Variants in VIT observed in about 807,000 individuals in gnomAD.
VIT encodes vitrin.
Under a neutral mutation model 78.0 loss-of-function variants are expected in VIT, and 99 were observed. That is an observed-to-expected ratio of 1.27 (90% CI 1.08 to 1.50). The LOEUF is 1.50. Among genes scored for constraint, VIT ranks in the 40% most tolerant of loss-of-function variants. The pLI is 0.00. For synonymous variants in VIT, 374 were observed against 334.3 expected (o/e 1.12, Z -1.29); for missense variants, 1,126 against 875.3 (o/e 1.29, Z -3.61).
chr2:36,764,068 A>G (rs983129107), intron 6 of VIT, among the ~76,000 whole-genome samples: 28 of 152,280 alleles, frequency 1.8e-4, no homozygotes, highest in African/African-American at 6.7e-4. Context: ...TAGCAAAGGC[A>G]GACTGGGATG....
chr2:36,810,804 T>C (rs1463805426), intron 15 of VIT, among the ~76,000 whole-genome samples: 1 of 152,046 alleles, frequency 6.6e-6, no homozygotes, highest in African/African-American at 2.4e-5. Context: ...CAGCTAATTT[T>C]TGTATTTTTG....
chr2:36,755,004 G>T lies in VIT; in HGVS notation c.359G>T (p.Gly120Val). 2 of 1,614,148 alleles carry T rather than the reference G, an allele frequency of 1.2e-6. No individual in the cohort carries two copies. The highest frequency in any genetic ancestry group is 3.3e-5 in the Admixed American group (2 of 60,018). ...GGTTACAAAGGGAGTTATTCCAACG[G>T]TGTCCAATCGTTATCCCTACCACGA... ...QSGYKGSYSN[G>V]VQSLSLPRWR... The change falls in exon 5 of 16, where the codon GGT becomes GTT. Residue 120 changes from glycine (G) to valine (V), a missense_variant. By Grantham distance (109) the Gly-to-Val change is moderately radical (BLOSUM62 -3). Transcript: ENST00000379242.
At chr2:36,720,204 A>G (rs148652125) in intron 2 of VIT, among the ~76,000 whole-genome samples, 1,535 of 152,292 alleles carry the variant, frequency 0.01, 31 homozygotes, top group African/African-American at 0.035. Context: ...AGCAAAAAGA[A>G]CAAAGGTGGA....
At chr2:36,752,331 A>G (rs148443751) in intron 4 of VIT, among the ~76,000 whole-genome samples, 1,659 of 152,228 alleles carry the variant, frequency 0.011, 20 homozygotes, top group South Asian at 0.027. Context: ...ACCAGTGCCC[A>G]CCCTCAGAAC....
chr2:36,724,879 A>C (rs1469023764), intron 2 of VIT, among the ~76,000 whole-genome samples: 2 of 152,242 alleles, frequency 1.3e-5, no homozygotes, highest in African/African-American at 4.8e-5. Flanking sequence ...ACCCAAATTT[A>C]TTATTTCACT....
At chr2:36,793,386 C>T (rs1202598819) in intron 12 of VIT, among the ~76,000 whole-genome samples, 1 of 152,184 alleles carries the variant, frequency 6.6e-6, no homozygotes, top group Non-Finnish European at 1.5e-5. Flanking sequence ...GTGGAAAAGA[C>T]CAGTTCCCAT....
At chr2:36,707,334 T>G (rs990327325) in intron 1 of VIT, among the ~76,000 whole-genome samples, 2 of 152,090 alleles carry the variant, frequency 1.3e-5, no homozygotes, top group African/African-American at 4.8e-5. Flanking sequence ...TTTCTCGTGG[T>G]CACAAGATGG....
intron 6 of VIT, 164 bp downstream of exon 6, chr2:36,759,210 A>G: frequency 6.4e-7 from 1 of 1,561,244 alleles, no homozygotes; most frequent in East Asian, 2.4e-5. Context: ...CAATGAGATC[A>G]GATGGCTGGG....
rs1387830382 is a variant in VIT, at chr2:36,801,340, G to A, written c.1098G>A (p.Thr366=). 9 of 1,613,950 alleles carry A rather than the reference G, an allele frequency of 5.6e-6. No homozygotes were observed. The highest frequency in any genetic ancestry group is 5.0e-5 in the Admixed American group (3 of 59,994). The stretch of plus-strand genomic sequence containing the variant: ...CTCACTTTAACCTCAAGACACACAC[G>A]AATTCTCGAGATCTGAAGACAGCCA... ...PATHFNLKTH[T]NSRDLKTAIE... Residue 366 remains threonine, a synonymous_variant, in exon 13 of 16, where the codon ACG becomes ACA. Coordinates refer to ENST00000379242, the MANE Select transcript of VIT (RefSeq NM_053276.4).
intron 8 of VIT, chr2:36,774,410 A>T: frequency 1.2e-6 from 1 of 805,198 alleles, no homozygotes; most frequent in Non-Finnish European, 1.5e-6. Context: ...TAGAAAGGAA[A>T]ATCTAGCAGG....
chr2:36,786,769 G>A (rs1195237409), intron 11 of VIT, among the ~76,000 whole-genome samples: 5 of 152,182 alleles, frequency 3.3e-5, no homozygotes, highest in East Asian at 3.8e-4. Flanking sequence ...ACGCTCTTGC[G>A]ACTCAGTCTT....
In VIT at chr2:36,805,678, C is replaced by G. The variant is rs141520296; in HGVS notation, c.1389+14C>G. The G allele has an allele frequency of 1.2e-6, 2 of 1,604,388 alleles. No individual in the cohort carries two copies. Among genetic ancestry groups the G allele is most frequent in the East Asian group, 2.2e-5 (1 of 44,672 alleles). On this transcript the variant is annotated intron_variant, in intron 14 of 15. Transcript: ENST00000379242. ...TTTGCAAACAAGGTAGATGACTGCC[C>G]GGAGACCTACCCAACATCAGGATTT...
intron 12 of VIT, among the ~76,000 whole-genome samples, chr2:36,788,536 C>T (rs1282810528): frequency 6.6e-6 from 1 of 152,172 alleles, no homozygotes; most frequent in Non-Finnish European, 1.5e-5. Context: ...CCCATTGCTG[C>T]AAATGTCACC....
At chr2:36,735,037 A>G (rs1467312585) in intron 3 of VIT, among the ~76,000 whole-genome samples, 1 of 151,996 alleles carries the variant, frequency 6.6e-6, no homozygotes, top group Non-Finnish European at 1.5e-5. Flanking sequence ...GGTGGCAGGC[A>G]CCTGTAATCC....
intron 4 of VIT, among the ~76,000 whole-genome samples, chr2:36,744,143 C>CT (rs984721981): frequency 6.6e-6 from 1 of 152,138 alleles, no homozygotes; most frequent in Non-Finnish European, 1.5e-5. Context: ...AAAATTTGCT[C>CT]TTTTTTATGG....
chr2:36,810,631 A>AT (rs1667087851), intron 15 of VIT, among the ~76,000 whole-genome samples: 1 of 150,222 alleles, frequency 6.7e-6, no homozygotes, highest in East Asian at 2.0e-4. Flanking sequence ...TCTGTGCCTA[A>AT]ATTTTTTTTT....
chr2:36,761,495 C>G (rs1669115999), intron 6 of VIT, among the ~76,000 whole-genome samples: 1 of 152,058 alleles, frequency 6.6e-6, no homozygotes, highest in African/African-American at 2.4e-5. Flanking sequence ...AATCCCAGCA[C>G]TTTGGGAGGC....
At chr2:36,717,180 T>C (rs1447379778) in intron 2 of VIT, among the ~76,000 whole-genome samples, 1 of 128,726 alleles carries the variant, frequency 7.8e-6, no homozygotes, top group East Asian at 2.7e-4. Context: ...CGGCCAGAGA[T>C]GATTTTTTTT....
chr2:36,813,110 G>A (rs1667305029), intron 15 of VIT, among the ~76,000 whole-genome samples: 1 of 149,504 alleles, frequency 6.7e-6, no homozygotes, highest in African/African-American at 2.4e-5. Context: ...AAAGTGCTGG[G>A]ATTACAGGCA....
Sources: allele counts gnomAD v4.1 joint callset (sites outside exome capture counted in the v4.1 genomes callset), GRCh38; gene constraint gnomAD v4.1.1; transcripts MANE v1.5; gene names NCBI Gene and HGNC (gene_info 2026-07-23, HGNC 2026-07-21).